Variants in GRM8 observed in about 807,000 individuals in gnomAD.
GRM8 encodes the protein glutamate metabotropic receptor 8.
In GRM8, 47 loss-of-function variants were observed where a neutral mutation model predicts 87.2. The observed-to-expected ratio is 0.54, with a 90% CI of 0.43 to 0.69. The LOEUF is 0.69. Ranked by LOEUF, GRM8 falls within the 30% of genes least tolerant of loss-of-function variation. GRM8 has a pLI of 0.00. For synonymous variants in GRM8, 396 were observed against 404.5 expected (o/e 0.98, Z 0.25); for missense variants, 1,019 against 1,139.2 (o/e 0.89, Z 1.52).
At chr7:126,703,851 C>T (rs536107738) in intron 7 of GRM8, among the ~76,000 whole-genome samples, 108 of 152,168 alleles carry the variant, frequency 7.1e-4, no homozygotes, top group Non-Finnish European at 1.3e-3. Context: ...CTTAAGCCAC[C>T]ACACCTGGCC....
At chr7:127,048,125 T>C (rs1819120480) in intron 3 of GRM8, among the ~76,000 whole-genome samples, 1 of 151,944 alleles carries the variant, frequency 6.6e-6, no homozygotes, top group African/African-American at 2.4e-5. Context: ...TAGTAAGTGA[T>C]GAAAAAAGGA....
In GRM8 at chr7:127,037,130, T is replaced by C. The variant is rs1399078573; in HGVS notation, c.727+69366A>G. ...ACTGATTTAAGAAAATCATTTTACA[T>C]GATGGTGAAATGGTTTTTAACCAAT... On this transcript the variant is annotated intron_variant, in intron 3 of 10. Coordinates refer to ENST00000339582, the MANE Select transcript of GRM8 (RefSeq NM_000845.3). Among the ~76,000 whole-genome samples the C allele has an allele frequency of 2.0e-5, 3 of 152,190 alleles. No homozygotes were observed. The East Asian group carries it at 5.8e-4, about 29-fold the overall frequency.
At chr7:126,806,259 G>T (rs911212261) in intron 6 of GRM8, among the ~76,000 whole-genome samples, 6 of 152,128 alleles carry the variant, frequency 3.9e-5, no homozygotes, top group African/African-American at 1.4e-4. Flanking sequence ...GCTCTTAAAG[G>T]CGGCGCATCT....
At chr7:127,178,929 A>T (rs764493855) in intron 2 of GRM8, among the ~76,000 whole-genome samples, 1 of 152,178 alleles carries the variant, frequency 6.6e-6, no homozygotes, top group Non-Finnish European at 1.5e-5. Context: ...ACAAAAATAC[A>T]TGTTAAGAAG....
intron 3 of GRM8, among the ~76,000 whole-genome samples, chr7:127,035,380 T>A (rs1005354688): frequency 6.6e-6 from 1 of 152,094 alleles, no homozygotes. Context: ...CTCAGGCCTG[T>A]GTAGTTTGCA....
intron 3 of GRM8, among the ~76,000 whole-genome samples, chr7:127,071,323 G>T (rs1050797723): frequency 2.0e-5 from 3 of 152,096 alleles, no homozygotes; most frequent in Non-Finnish European, 2.9e-5. Flanking sequence ...TTTTCAAATG[G>T]TTAATTTGAT....
chr7:127,243,055 AC>A lies in GRM8; in HGVS notation c.149del (p.Gly50ValfsTer18), dbSNP rs1378582459. 6.2e-6 allele frequency: 10 copies of A among 1,612,958 alleles called. No individual in the cohort carries two copies. Among genetic ancestry groups the A allele is most frequent in the Non-Finnish European group, 8.5e-6 (10 of 1,179,768 alleles). On this transcript the variant is annotated frameshift_variant, in exon 2 of 11. Coordinates refer to ENST00000339582, the MANE Select transcript of GRM8 (RefSeq NM_000845.3). LOFTEE classifies it high-confidence loss of function. The part of the protein sequence containing the change: ...IRVDGDIILG[G>X]LFPVHAKGER... ...CTCCCTTTGCGTGGACAGGGAAGAG[AC>A]CCCCCAAAATAATGTCCCCATCCAC... is the stretch of plus-strand genomic sequence containing the variant.
chr7:126,818,451 A>G (rs1358892827), intron 6 of GRM8, among the ~76,000 whole-genome samples: 9 of 152,222 alleles, frequency 5.9e-5, no homozygotes, highest in Non-Finnish European at 1.5e-5. Context: ...ATATAATTGC[A>G]GGAGACAAGG....
chr7:126,736,253 T>C (rs953806200), intron 7 of GRM8, among the ~76,000 whole-genome samples: 6 of 152,096 alleles, frequency 3.9e-5, no homozygotes, highest in African/African-American at 7.2e-5. Context: ...TTCTCACTAA[T>C]TGGAAATGTG....
chr7:126,504,813 C>T (rs1386073506), intron 9 of GRM8, among the ~76,000 whole-genome samples: 1 of 151,996 alleles, frequency 6.6e-6, no homozygotes, highest in Non-Finnish European at 1.5e-5. Context: ...AGTGTTTACA[C>T]AGGATAATCA....
intron 6 of GRM8, among the ~76,000 whole-genome samples, chr7:126,819,979 C>T (rs1307349739): frequency 6.6e-6 from 1 of 152,122 alleles, no homozygotes; most frequent in Non-Finnish European, 1.5e-5. Flanking sequence ...TCTACCCACA[C>T]ATAACTACTG....
At chr7:126,950,334 G>T (rs963587511) in intron 3 of GRM8, among the ~76,000 whole-genome samples, 1 of 152,086 alleles carries the variant, frequency 6.6e-6, no homozygotes, top group East Asian at 1.9e-4. Flanking sequence ...CAGGTATGTG[G>T]AATATAACAT....
intron 2 of GRM8, among the ~76,000 whole-genome samples, chr7:127,192,147 AT>A (rs940396888): frequency 6.6e-6 from 1 of 152,230 alleles, no homozygotes; most frequent in African/African-American, 2.4e-5. Context: ...TGATTAAGAA[AT>A]TCTACCTGGG....
chr7:126,925,192 C>A (rs1055772195), intron 3 of GRM8, among the ~76,000 whole-genome samples: 2 of 152,158 alleles, frequency 1.3e-5, no homozygotes, highest in African/African-American at 4.8e-5. Flanking sequence ...TATTTTTCTG[C>A]AGAATAGTTA....
chr7:126,794,195 C>T (rs1383940910), intron 6 of GRM8, among the ~76,000 whole-genome samples: 1 of 152,038 alleles, frequency 6.6e-6, no homozygotes, highest in East Asian at 1.9e-4. Flanking sequence ...TTAGCACTAG[C>T]AGTGTCAATT....
chr7:126,470,488 A>G (rs886466580), intron 9 of GRM8, among the ~76,000 whole-genome samples: 3 of 151,258 alleles, frequency 2.0e-5, no homozygotes, highest in African/African-American at 7.3e-5. Flanking sequence ...ATGATTTCCA[A>G]TTTCATCCAT....
At chr7:126,599,648 C>A (rs989520435) in intron 8 of GRM8, among the ~76,000 whole-genome samples, 3 of 152,098 alleles carry the variant, frequency 2.0e-5, no homozygotes, top group African/African-American at 7.2e-5. Flanking sequence ...ATGTTTTAAA[C>A]CAGATACACC....
chr7:127,195,867 G>A (rs1795253026), intron 2 of GRM8, among the ~76,000 whole-genome samples: 3 of 152,116 alleles, frequency 2.0e-5, no homozygotes, highest in African/African-American at 7.2e-5. Context: ...TTAAAGGTAG[G>A]TATTTGTTTT....
chr7:126,449,432 T>G (rs554012004), intron 9 of GRM8, among the ~76,000 whole-genome samples: 1 of 151,948 alleles, frequency 6.6e-6, no homozygotes, highest in East Asian at 2.0e-4. Flanking sequence ...ACAAGATAGC[T>G]CAAGAAACAT....
Sources: allele counts gnomAD v4.1 joint callset (sites outside exome capture counted in the v4.1 genomes callset), GRCh38; gene constraint gnomAD v4.1.1; transcripts MANE v1.5; gene names NCBI Gene and HGNC (gene_info 2026-07-23, HGNC 2026-07-21).